The following SPRED3 variants were observed in gnomAD, a reference collection of about 807,000 sequenced individuals.
The protein encoded by SPRED3 is sprouty-related, EVH1 domain-containing protein 3.
SPRED3 carries 23 observed loss-of-function variants against 37.6 expected under a neutral mutation model. The observed-to-expected ratio is 0.61, with a 90% CI of 0.44 to 0.87. The LOEUF (loss-of-function observed/expected upper bound fraction) is 0.87, where lower values mean the gene tolerates loss of function less well. SPRED3 is among the 40% of genes least tolerant of loss of function. The pLI, the probability that SPRED3 is intolerant of heterozygous loss-of-function variation, is 0.00. For missense variants in SPRED3, 584 were observed against 618.6 expected (o/e 0.94, Z 0.59); for synonymous variants, 302 against 279.6 (o/e 1.08, Z -0.80).
chr19:38,397,903 T>TAAAAAAAAAAAAAAAAAAAAAAA lies in SPRED3; in HGVS notation c.*1773_*1774insAAAAAAAAAAAAAAAAAAAAAAA, dbSNP rs774014740. The TAAAAAAAAAAAAAAAAAAAAAAA allele has an allele frequency of 1.1e-3, 140 of 131,890 alleles. No homozygotes were observed. Among genetic ancestry groups the TAAAAAAAAAAAAAAAAAAAAAAA allele is most frequent in the African/African-American group, 3.6e-3 (122 of 34,202 alleles). 8.2% of individuals were successfully genotyped at this position (131,890 alleles called of 1,614,324 possible). ...CTGGGCAATGTAGTGAGACCGTCTC[T>TAAAAAAAAAAAAAAAAAAAAAAA]AAAAAAAAAAAAAAAGGACCAAGTA... On this transcript the variant is annotated 3_prime_UTR_variant, in exon 6 of 6. Transcript: ENST00000691638.
chr19:38,397,974 G>A lies in SPRED3; in HGVS notation c.*1829G>A, dbSNP rs1970918139. On this transcript the variant is annotated 3_prime_UTR_variant, in exon 6 of 6. Transcript: ENST00000691638. ...TCTAGGACCCAGCATTGTCACAGAT[G>A]ATTATGCAGGGTCTTCATTAAGTGA... 6.6e-6 allele frequency: 1 copy of A among 151,892 alleles called. No homozygotes were observed. Among genetic ancestry groups the A allele is most frequent in the Non-Finnish European group, 1.5e-5 (1 of 68,030 alleles). 9.4% of individuals were successfully genotyped at this position (151,892 alleles called of 1,614,324 possible).
Position 38,394,522 on chromosome 19 carries a change from C to T in SPRED3, c.424-121C>T, listed in dbSNP as rs574549163. The T allele has an allele frequency of 3.4e-5, 53 of 1,557,606 alleles. No homozygotes were observed. The African/African-American group carries it at 6.8e-4, about 20-fold the overall frequency. On this transcript the variant is annotated intron_variant, in intron 4 of 5. Coordinates refer to ENST00000691638, the MANE Select transcript of SPRED3 (RefSeq NM_001394336.1). Reference sequence around the variant, plus strand: ...TCACACAACCAGTCAGTGACAGAGCCGGGGTTTGAACCCAGGCCTTCCTGG... The same window carrying T: ...TCACACAACCAGTCAGTGACAGAGCTGGGGTTTGAACCCAGGCCTTCCTGG...
At chr19:38,392,334 G>A in intron 4 of SPRED3, 46 bp downstream of exon 4, 2 of 1,459,830 alleles carry the variant, frequency 1.4e-6, no homozygotes, top group East Asian at 5.0e-5. Context: ...TAGGGGTTTT[G>A]TTTTTATTCT....
chr19:38,394,178 G>A (rs1334454466), intron 4 of SPRED3, among the ~76,000 whole-genome samples: 1 of 152,238 alleles, frequency 6.6e-6, no homozygotes, highest in Non-Finnish European at 1.5e-5. Context: ...GGGAAGGGGA[G>A]CACTCGGAGT....
chr19:38,390,006 A>C, intron 1 of SPRED3: 2 of 187,926 alleles, frequency 1.1e-5, no homozygotes, highest in East Asian at 8.2e-5. Context: ...GGGCAACACC[A>C]GGGCTATGGG....
In SPRED3 at chr19:38,390,488, C is replaced by T. The variant is rs966523463; in HGVS notation, c.177+9C>T. 1.5e-6 allele frequency: 2 copies of T among 1,348,978 alleles called. No individual in the cohort carries two copies. Among genetic ancestry groups the T allele is most frequent in the African/African-American group, 3.1e-5 (2 of 65,152 alleles). The allele number at this position is 1,348,978 out of a possible 1,614,324, so 83.6% of individuals were successfully genotyped here. A position where few individuals can be genotyped will look rare whatever the true frequency, so the allele number is the denominator to read the frequency against. ...GCCTCCGGGACCAGAAAGTGAGCCA[C>T]CCTGGGGCATGCGGGGAGGGTAGGG... On this transcript the variant is annotated intron_variant, in intron 2 of 5. Coordinates refer to ENST00000691638, the MANE Select transcript of SPRED3 (RefSeq NM_001394336.1).
Position 38,395,602 on chromosome 19 carries a change from G to C in SPRED3, c.690G>C (p.Ala230=). ...YEDYRRSGPP[A]PLALSTCVVR... ...ATTACCGGCGCTCCGGGCCACCCGC[G>C]CCCCTCGCCCTGTCCACCTGCGTCG... The change falls in exon 6 of 6, where the codon GCG becomes GCC. Residue 230 remains alanine, a synonymous_variant. Transcript: ENST00000691638. The surrounding 1 kb of genome is among the most constrained non-coding windows in gnomAD (Gnocchi z 5.2). The C allele has an allele frequency of 6.5e-7, 1 of 1,549,686 alleles. No homozygotes were observed. The highest frequency in any genetic ancestry group is 1.9e-5 in the Admixed American group (1 of 52,432).
chr19:38,390,764 GC>G (rs57016544), intron 2 of SPRED3, among the ~76,000 whole-genome samples: 2,734 of 62,330 alleles, frequency 0.044, 8 homozygotes, highest in African/African-American at 0.054. Context: ...AGGGGGCACT[GC>G]CCCCCCCCCC....
In SPRED3 at chr19:38,395,951, G is replaced by A. The variant is rs1277558326; in HGVS notation, c.1039G>A (p.Glu347Lys). Residue 347 changes from glutamate (E) to lysine (K), a missense_variant, in exon 6 of 6, where the codon GAG becomes AAG. Glu to Lys is a moderately conservative substitution (Grantham distance 56). This residue lies in a region of SPRED3 where 85 missense variants were observed against 117.8 expected (regional missense o/e 0.72). Transcript: ENST00000691638. This position sits in a 1 kb window ranked among gnomAD's most constrained non-coding sequence, Gnocchi z 5.2. ...SLLYHCLSDA[E>K]GDFSDPCACE... Reference sequence around the variant, plus strand: ...GCTCTACCACTGCCTGTCGGACGCCGAGGGCGACTTCTCGGACCCGTGCGC... The same window carrying A: ...GCTCTACCACTGCCTGTCGGACGCCAAGGGCGACTTCTCGGACCCGTGCGC... 6.7e-7 allele frequency: 1 copy of A among 1,496,196 alleles called. No homozygotes were observed. Among genetic ancestry groups the A allele is most frequent in the Non-Finnish European group, 8.8e-7 (1 of 1,130,700 alleles). 92.7% of individuals were successfully genotyped at this position (1,496,196 alleles called of 1,614,324 possible).
rs1303867199 is a variant in SPRED3, at chr19:38,395,549, C to G, written c.637C>G (p.Leu213Val). The G allele has an allele frequency of 6.4e-7, 1 of 1,553,788 alleles. No individual in the cohort carries two copies. Among genetic ancestry groups the G allele is most frequent in the African/African-American group, 1.4e-5 (1 of 71,176 alleles). The change falls in exon 6 of 6, where the codon CTG becomes GTG. Residue 213 changes from leucine to valine, a missense_variant. Transcript: ENST00000691638. The surrounding 1 kb of genome is among the most constrained non-coding windows in gnomAD (Gnocchi z 5.2). The stretch of plus-strand genomic sequence containing the variant: ...AGAGCCCCTGGCAGGGGCAGGGGGC[C>G]TGGGGTGGGGCGGCCGCGGCTACGA... Reference protein sequence around the residue: ...PSEPLAGAGGLGWGGRGYEDY... With the variant: ...PSEPLAGAGGVGWGGRGYEDY...
rs1399771115 is a variant in SPRED3 at position 38,396,656 on chromosome 19, A to G, written c.*511A>G. 6.6e-6 allele frequency: 1 copy of G among 152,038 alleles called. No individual in the cohort carries two copies. Among genetic ancestry groups the G allele is most frequent in the Non-Finnish European group, 1.5e-5 (1 of 68,034 alleles). The allele number at this position is 152,038 out of a possible 1,614,324, so 9.4% of individuals were successfully genotyped here. A position where few individuals can be genotyped will look rare whatever the true frequency, so the allele number is the denominator to read the frequency against. On this transcript the variant is annotated 3_prime_UTR_variant, in exon 6 of 6. Transcript: ENST00000691638. ...ACAAACAGTTCCTGAATATTCACCT[A>G]AGACCTGGTGCCCCCACATCTGAGA... is the stretch of plus-strand genomic sequence containing the variant.
rs2145167186 is a variant in SPRED3, at chr19:38,399,003, G to A, written c.*2858G>A. ...AGACCCACCAGAGCTGAGGGCGGAG[G>A]GATTGGGGGCTGGGGCAGCCTGGGT... On this transcript the variant is annotated 3_prime_UTR_variant, in exon 6 of 6. Transcript: ENST00000691638. 1 of 152,412 alleles carries A rather than the reference G, an allele frequency of 6.6e-6. No homozygotes were observed. Among genetic ancestry groups the A allele is most frequent in the Admixed American group, 6.5e-5 (1 of 15,304 alleles). 9.4% of individuals were successfully genotyped at this position (152,412 alleles called of 1,614,324 possible). A position where few individuals can be genotyped will look rare whatever the true frequency, so the allele number is the denominator to read the frequency against.
intron 4 of SPRED3, 37 bp from the exon 5 acceptor site, chr19:38,394,606 G>A: frequency 6.4e-7 from 1 of 1,569,490 alleles, no homozygotes; most frequent in Non-Finnish European, 8.6e-7. Context: ...GCTGTGCGGG[G>A]GCGTGTCCCC....
chr19:38,394,959 G>T (rs1404790856), intron 5 of SPRED3, among the ~76,000 whole-genome samples, 173 bp downstream of exon 5: 1 of 152,218 alleles, frequency 6.6e-6, no homozygotes, highest in Non-Finnish European at 1.5e-5. Flanking sequence ...AGGCTTGGAG[G>T]CCTGGGTTTC....
chr19:38,390,376 G>T lies in SPRED3; in HGVS notation c.74G>T (p.Gly25Val), dbSNP rs768473164. 1.4e-6 allele frequency: 2 copies of T among 1,392,146 alleles called. No homozygotes were observed. Among genetic ancestry groups the T allele is most frequent in the South Asian group, 1.9e-5 (1 of 52,378 alleles). The allele number at this position is 1,392,146 out of a possible 1,614,324, so 86.2% of individuals were successfully genotyped here. ...GGCTGGCTGCCTGTGGGGGGCGGGG[G>T]CCTCAGCCAGGTGAGCGTGTGTCGG... Reference protein sequence around the residue: ...SGGWLPVGGGGLSQVSVCRVR... With the variant: ...SGGWLPVGGGVLSQVSVCRVR... Residue 25 changes from glycine to valine, a missense_variant, in exon 2 of 6, where the codon GGC becomes GTC. Coordinates refer to ENST00000691638, the MANE Select transcript of SPRED3 (RefSeq NM_001394336.1).
intron 2 of SPRED3, among the ~76,000 whole-genome samples, chr19:38,391,109 A>G (rs1970827429): frequency 6.6e-6 from 1 of 151,384 alleles, no homozygotes; most frequent in African/African-American, 2.4e-5. Context: ...GGAGTGAAGG[A>G]ATATGGTGAT....
chr19:38,395,467 C>A lies in SPRED3; in HGVS notation c.568-13C>A. On this transcript the variant is annotated splice_polypyrimidine_tract_variant and intron_variant, in intron 5 of 5. Coordinates refer to ENST00000691638, the MANE Select transcript of SPRED3 (RefSeq NM_001394336.1). The surrounding 1 kb of genome is among the most constrained non-coding windows in gnomAD (Gnocchi z 5.2). ...GGGATGGATTCTGATCTGTTTGTCCCTTCGTTCCGCAGAGCTACCCTCCGC... is the reference window on the plus strand; with the variant it reads ...GGGATGGATTCTGATCTGTTTGTCCATTCGTTCCGCAGAGCTACCCTCCGC... 6.9e-7 allele frequency: 1 copy of A among 1,443,862 alleles called. No individual in the cohort carries two copies. The highest frequency in any genetic ancestry group is 9.1e-7 in the Non-Finnish European group (1 of 1,098,524). 89.4% of individuals were successfully genotyped at this position (1,443,862 alleles called of 1,614,324 possible). A position where few individuals can be genotyped will look rare whatever the true frequency, so the allele number is the denominator to read the frequency against.
chr19:38,394,678 C>T lies in SPRED3; in HGVS notation c.459C>T (p.Ser153=). 6.3e-7 allele frequency: 1 copy of T among 1,598,856 alleles called. No individual in the cohort carries two copies. The highest frequency in any genetic ancestry group is 8.5e-7 in the Non-Finnish European group (1 of 1,175,928). The change falls in exon 5 of 6, where the codon AGC becomes AGT. Residue 153 remains serine, a synonymous_variant. Coordinates refer to ENST00000691638, the MANE Select transcript of SPRED3 (RefSeq NM_001394336.1). ...HVDSDSSSSH[S]RQETPPSAAA... ...ACAGCGACTCCTCCTCCAGTCACAG[C>T]CGCCAGGAGACTCCTCCCAGCGCCG...
intron 4 of SPRED3, chr19:38,394,277 G>T: frequency 2.9e-6 from 4 of 1,399,460 alleles, no homozygotes; most frequent in Non-Finnish European, 3.8e-6. Flanking sequence ...TGAGAAGCGG[G>T]AAGACGATTA....
Sources: gnomAD v4.1 joint callset for allele counts (sites outside exome capture counted in the v4.1 genomes callset) on GRCh38, gnomAD v4.1.1 for gene constraint, gnomAD v4.1.1 regional missense constraint, Gnocchi (gnomAD v3.1) non-coding constraint, MANE v1.5 for transcripts, NCBI Gene and HGNC (gene_info 2026-07-23, HGNC 2026-07-21) for gene names.